DYNC2H1: variants seen among roughly 807,000 people sequenced by gnomAD.
The protein encoded by DYNC2H1 is dynein cytoplasmic 2 heavy chain 1, also known as cytoplasmic dynein 2 heavy chain 1.
Under a neutral mutation model 570.0 loss-of-function variants are expected in DYNC2H1, and 410 were observed. The ratio of observed to expected loss-of-function variants is 0.72; its 90% CI spans 0.66 to 0.78. The LOEUF (loss-of-function observed/expected upper bound fraction) is 0.78. Among genes scored for constraint, DYNC2H1 ranks in the 30% least tolerant of loss-of-function variants. The pLI, the probability that DYNC2H1 is intolerant of heterozygous loss-of-function variation, is 0.00. For missense variants in DYNC2H1, 4,865 were observed against 5,046.4 expected (o/e 0.96, Z 1.09); for synonymous variants, 1,688 against 1,677.6 (o/e 1.01, Z -0.15).
chr11:103,431,420 G>GGGGT (rs759225120), intron 84 of DYNC2H1, among the ~76,000 whole-genome samples: 104 of 152,030 alleles, frequency 6.8e-4, no homozygotes, highest in Non-Finnish European at 1.3e-3. Flanking sequence ...AAGTTACCTG[G>GGGGT]GGGTTTACAT....
chr11:103,276,789 A>G (rs663692), intron 70 of DYNC2H1, among the ~76,000 whole-genome samples: 8,388 of 152,140 alleles, frequency 0.055, 309 homozygotes, highest in East Asian at 0.13. Context: ...CCTCTGTTAT[A>G]AACAATCTTT....
At chr11:103,117,543 T>A in intron 5 of DYNC2H1, 88 bp from the exon 6 acceptor site, 1 of 1,118,930 alleles carries the variant, frequency 8.9e-7, no homozygotes, top group African/African-American at 1.6e-5. Context: ...TTGTATATTT[T>A]AAAAATATTG....
intron 87 of DYNC2H1, among the ~76,000 whole-genome samples, chr11:103,467,253 G>A (rs1322631469): frequency 6.6e-6 from 1 of 152,106 alleles, no homozygotes; most frequent in Admixed American, 6.5e-5. Context: ...GAATATTTAA[G>A]TATTAAATAA....
At chr11:103,323,276 A>C (rs986712241) in intron 81 of DYNC2H1, among the ~76,000 whole-genome samples, 9 of 152,224 alleles carry the variant, frequency 5.9e-5, no homozygotes, top group African/African-American at 2.2e-4. Flanking sequence ...TCAACAAGCC[A>C]AGCTTATTCA....
At chr11:103,398,067 A>ACAGTTATTGTTT (rs1942469981) in intron 83 of DYNC2H1, among the ~76,000 whole-genome samples, 1 of 152,206 alleles carries the variant, frequency 6.6e-6, no homozygotes, top group South Asian at 2.1e-4. Flanking sequence ...ATACTTTGAA[A>ACAGTTATTGTTT]CAAACTAAAT....
At chr11:103,309,544 T>C (rs3930465) in intron 78 of DYNC2H1, among the ~76,000 whole-genome samples, 25,776 of 149,924 alleles carry the variant, frequency 0.17, 2,393 homozygotes, top group Admixed American at 0.26. Flanking sequence ...TGAAGGTGTT[T>C]GTTTCATTTA....
chr11:103,233,711 A>G (rs1028400000), intron 60 of DYNC2H1, among the ~76,000 whole-genome samples: 1 of 151,976 alleles, frequency 6.6e-6, no homozygotes, highest in Non-Finnish European at 1.5e-5. Flanking sequence ...AAATAAAACT[A>G]GAAAGACAGA....
At chr11:103,111,498 C>G (rs1318377006) in intron 1 of DYNC2H1, among the ~76,000 whole-genome samples, 1 of 152,128 alleles carries the variant, frequency 6.6e-6, no homozygotes, top group Non-Finnish European at 1.5e-5. Context: ...CAGGATAGAG[C>G]CCCCTGCTTT....
At position 103,122,981 on chromosome 11, in the gene DYNC2H1, GAT is replaced by G; in HGVS notation, c.1643_1644del (p.Asp548ValfsTer8). On this transcript the variant is annotated frameshift_variant, in exon 11 of 89. Transcript: ENST00000375735. LOFTEE classifies it high-confidence loss of function. Reference protein sequence around the residue: ...WSRDIQSGLSDSRSGLCIEAS... With the variant: ...WSRDIQSGLSXSRSGLCIEAS... Reference sequence around the variant, plus strand: ...CAGGGATATTCAATCAGGTTTATCTGATTCCAGATCTGGTTTGTGGTAAGTAT... The same window carrying G: ...CAGGGATATTCAATCAGGTTTATCTGTCCAGATCTGGTTTGTGGTAAGTAT... 6.5e-7 allele frequency: 1 copy of G among 1,537,724 alleles called. No homozygotes were observed. The highest frequency in any genetic ancestry group is 1.3e-5 in the South Asian group (1 of 75,874).
At chr11:103,477,208 A>G (rs547619185) in intron 88 of DYNC2H1, among the ~76,000 whole-genome samples, 9 of 152,356 alleles carry the variant, frequency 5.9e-5, no homozygotes, top group African/African-American at 1.9e-4. Flanking sequence ...TAACAGAATA[A>G]GAGACATTAG....
At chr11:103,381,268 T>C (rs1364861639) in intron 83 of DYNC2H1, among the ~76,000 whole-genome samples, 1 of 152,142 alleles carries the variant, frequency 6.6e-6, no homozygotes, top group African/African-American at 2.4e-5. Context: ...AGAGATCCTA[T>C]ATGAATCTAA....
In DYNC2H1 at chr11:103,456,302, TA is replaced by T; in HGVS notation, c.12597del (p.Lys4199AsnfsTer3). The T allele has an allele frequency of 6.2e-7, 1 of 1,609,814 alleles. No homozygotes were observed. The highest frequency in any genetic ancestry group is 8.5e-7 in the Non-Finnish European group (1 of 1,177,736). On this transcript the variant is annotated frameshift_variant, in exon 87 of 89. Transcript: ENST00000375735. LOFTEE classifies it high-confidence loss of function. ...RAVGRSVDSLKFVASWKGRLQ... is the reference protein window; with the variant it reads ...RAVGRSVDSLXFVASWKGRLQ... ...CAGTGGGTCGTTCTGTGGATAGCCT[TA>T]AATTTGTAGCCTCATGGAAAGGTCG...
intron 1 of DYNC2H1, among the ~76,000 whole-genome samples, chr11:103,110,186 A>C (rs771179525): frequency 4.0e-5 from 6 of 151,748 alleles, no homozygotes; most frequent in Non-Finnish European, 7.4e-5. Flanking sequence ...CGCCTGGCTA[A>C]TTTTTGTATT....
chr11:103,423,737 AC>A (rs765808614), intron 84 of DYNC2H1, among the ~76,000 whole-genome samples: 3 of 151,984 alleles, frequency 2.0e-5, no homozygotes, highest in Non-Finnish European at 4.4e-5. Flanking sequence ...AACTCAATAA[AC>A]ATCTCAATTA....
chr11:103,194,820 T>C (rs146749867), intron 47 of DYNC2H1, among the ~76,000 whole-genome samples: 7,564 of 152,138 alleles, frequency 0.05, 253 homozygotes, highest in Non-Finnish European at 0.071. Flanking sequence ...TGGGCTCAAG[T>C]GATTCTTCTG....
At chr11:103,164,224 G>GA (rs1861209214) in intron 30 of DYNC2H1, among the ~76,000 whole-genome samples, 1 of 54,480 alleles carries the variant, frequency 1.8e-5, no homozygotes, top group African/African-American at 3.9e-5. Flanking sequence ...TTTGGGTTAG[G>GA]GAAATGACAA....
chr11:103,156,718 G>T lies in DYNC2H1; in HGVS notation c.4075G>T (p.Gly1359Ter). The T allele has an allele frequency of 1.2e-6, 2 of 1,613,310 alleles. No homozygotes were observed. The highest frequency in any genetic ancestry group is 1.7e-6 in the Non-Finnish European group (2 of 1,179,652). ...WVYLEPIFGR[G>*]ALPKEQTRFN... ...GTATTTGGAACCCATTTTCGGCCGT[G>T]GAGCATTGCCAAAAGAACAGACACG... Residue 1359 changes from glycine (G) to a stop codon, truncating the protein, a stop_gained, in exon 26 of 89, where the codon GGA (glycine) becomes TGA (stop). Coordinates refer to ENST00000375735, the MANE Select transcript of DYNC2H1 (RefSeq NM_001377.3). LOFTEE classifies it high-confidence loss of function.
chr11:103,170,781 GATGGGATAA>G lies in DYNC2H1; in HGVS notation c.5152-102_5152-94del. On this transcript the variant is annotated intron_variant, in intron 33 of 88. Coordinates refer to ENST00000375735, the MANE Select transcript of DYNC2H1 (RefSeq NM_001377.3). This position sits in a 1 kb window ranked among gnomAD's most constrained non-coding sequence, Gnocchi z 4.8. ...TTTTAAAATGAGCAAAAGAGGCATA[GATGGGATAA>G]ATTATCACCTTATCAATAAGTAACA... is the stretch of plus-strand genomic sequence containing the variant. The G allele has an allele frequency of 6.4e-6, 7 of 1,096,034 alleles. No homozygotes were observed. The highest frequency in any genetic ancestry group is 8.4e-6 in the Non-Finnish European group (7 of 831,576). The allele number at this position is 1,096,034 out of a possible 1,614,324, so 67.9% of individuals were successfully genotyped here. A position where few individuals can be genotyped will look rare whatever the true frequency, so the allele number is the denominator to read the frequency against.
intron 88 of DYNC2H1, among the ~76,000 whole-genome samples, chr11:103,475,446 G>A (rs1029205046): frequency 6.6e-6 from 1 of 152,136 alleles, no homozygotes; most frequent in African/African-American, 2.4e-5. Flanking sequence ...TTCAGTTAAG[G>A]AGTATTCAAA....
Sources: gnomAD v4.1 joint callset for allele counts (sites outside exome capture counted in the v4.1 genomes callset) on GRCh38, gnomAD v4.1.1 for gene constraint, Gnocchi (gnomAD v3.1) non-coding constraint, MANE v1.5 for transcripts, NCBI Gene and HGNC (gene_info 2026-07-23, HGNC 2026-07-21) for gene names.